Variants in POT1 observed in about 807,000 individuals in gnomAD.
POT1 encodes the protein protection of telomeres 1.
POT1 carries 47 observed loss-of-function variants against 78.5 expected under a neutral mutation model. The observed-to-expected ratio is 0.60, with a 90% CI of 0.47 to 0.76. POT1 has a LOEUF of 0.76. Among genes scored for constraint, POT1 ranks in the 30% least tolerant of loss-of-function variants. POT1 has a pLI of 0.00. For synonymous variants in POT1, 259 were observed against 260.7 expected (o/e 0.99, Z 0.06); for missense variants, 646 against 749.9 (o/e 0.86, Z 1.62).
intron 8 of POT1, among the ~76,000 whole-genome samples, chr7:124,859,754 AAAGAT>A (rs1795540564): frequency 6.6e-6 from 1 of 151,442 alleles, no homozygotes; most frequent in African/African-American, 2.4e-5. Context: ...AAAACACACA[AAAGAT>A]AAGGCCGCAC....
intron 7 of POT1, among the ~76,000 whole-genome samples, chr7:124,870,574 T>C (rs1035682862): frequency 6.6e-6 from 1 of 152,124 alleles, no homozygotes; most frequent in Admixed American, 6.6e-5. Context: ...TAAAGCTCTT[T>C]TTTAAAACAT....
intron 12 of POT1, among the ~76,000 whole-genome samples, chr7:124,843,415 A>T (rs1395325822): frequency 6.6e-6 from 1 of 152,216 alleles, no homozygotes. Context: ...TCATTATAAA[A>T]TCAGATTAAG....
rs574614592 is a variant in POT1 at position 124,905,703 on chromosome 7, T to C, written c.-153-7329A>G. 3.9e-5 allele frequency among the ~76,000 whole-genome samples: 6 copies of C among 152,258 alleles called. No individual in the cohort carries two copies. The South Asian group carries it at 8.3e-4, about 21-fold the overall frequency. On this transcript the variant is annotated intron_variant, in intron 3 of 18. Transcript: ENST00000357628. Reference sequence around the variant, plus strand: ...CTACCATCAGAGTCAACAGGCCACCTACAGAATGGGAGAATATTTTTGCAA... The same window carrying C: ...CTACCATCAGAGTCAACAGGCCACCCACAGAATGGGAGAATATTTTTGCAA...
At chr7:124,916,412 G>C (rs1395103884) in intron 2 of POT1, among the ~76,000 whole-genome samples, 1 of 152,110 alleles carries the variant, frequency 6.6e-6, no homozygotes, top group Non-Finnish European at 1.5e-5. Context: ...TGAAAAAAGT[G>C]TCAACAATAA....
At chr7:124,928,356 C>A (rs1797325961) in intron 2 of POT1, among the ~76,000 whole-genome samples, 3 of 152,122 alleles carry the variant, frequency 2.0e-5, no homozygotes, top group Non-Finnish European at 4.4e-5. Flanking sequence ...AGAGTAATAT[C>A]CAAATTCCTC....
At chr7:124,844,211 C>A (rs1445792043) in intron 12 of POT1, among the ~76,000 whole-genome samples, 2 of 150,158 alleles carry the variant, frequency 1.3e-5, no homozygotes, top group African/African-American at 4.9e-5. Context: ...TCACCACAAC[C>A]TCTACCTCCC....
intron 9 of POT1, among the ~76,000 whole-genome samples, chr7:124,854,774 AAGTGAG>A (rs911529557): frequency 1.3e-5 from 2 of 151,964 alleles, no homozygotes; most frequent in Non-Finnish European, 2.9e-5. Flanking sequence ...ATAGTCTTCA[AAGTGAG>A]ACATTGGAAA....
chr7:124,823,878 G>T lies in POT1; in HGVS notation c.*84C>A. The T allele has an allele frequency of 1.2e-6, 1 of 835,286 alleles. No individual in the cohort carries two copies. Among genetic ancestry groups the T allele is most frequent in the Non-Finnish European group, 2.0e-6 (1 of 497,992 alleles). 51.7% of individuals were successfully genotyped at this position (835,286 alleles called of 1,614,324 possible). ...CCATGCTAACATCATCAACATTGCT[G>T]ATACAAAACTCAGGTCAGGAAAAGA... On this transcript the variant is annotated 3_prime_UTR_variant, in exon 19 of 19. Transcript: ENST00000357628.
chr7:124,915,132 T>C (rs1053180666), intron 3 of POT1, among the ~76,000 whole-genome samples: 14 of 152,196 alleles, frequency 9.2e-5, no homozygotes, highest in African/African-American at 3.1e-4. Context: ...GTGTCTGATA[T>C]ATACTTAGTA....
rs750899684 is a variant in POT1, at chr7:124,859,104, A to G, written c.555T>C (p.Asp185=). 6.3e-7 allele frequency: 1 copy of G among 1,589,272 alleles called. No individual in the cohort carries two copies. The highest frequency in any genetic ancestry group is 2.3e-5 in the East Asian group (1 of 44,268). Residue 185 remains aspartate, a synonymous_variant, in exon 9 of 19, where the codon GAT becomes GAC. Transcript: ENST00000357628. ...DGASFLLKVW[D]GTRTPFPSWR... is the part of the protein sequence containing the mutation. ...AAGATGGAAATGGTGTCCTGGTGCCATCCCATACCTGCCATAAGAGAGTAG... is the reference window on the plus strand; with the variant it reads ...AAGATGGAAATGGTGTCCTGGTGCCGTCCCATACCTGCCATAAGAGAGTAG...
Position 124,851,777 on chromosome 7 carries a change from AAGAG to A in POT1, c.949+91_949+94del, listed in dbSNP as rs1330335717. 14 of 892,016 alleles carry A rather than the reference AAGAG, an allele frequency of 1.6e-5. No individual in the cohort carries two copies. In the African/African-American group the frequency reaches 2.4e-4, roughly 15 times the overall value. The allele number at this position is 892,016 out of a possible 1,614,324, so 55.3% of individuals were successfully genotyped here. A position where few individuals can be genotyped will look rare whatever the true frequency, so the allele number is the denominator to read the frequency against. On this transcript the variant is annotated intron_variant, in intron 11 of 18. Transcript: ENST00000357628. ...TCCTCTACTACATGAAATTATTAATAAGAGAGACAAAGAGAAGACATTACAAAGA... is the reference window on the plus strand; with the variant it reads ...TCCTCTACTACATGAAATTATTAATAAGACAAAGAGAAGACATTACAAAGA...
chr7:124,826,385 G>A (rs1377799202), intron 17 of POT1, among the ~76,000 whole-genome samples: 1 of 152,142 alleles, frequency 6.6e-6, no homozygotes, highest in African/African-American at 2.4e-5. Context: ...GTAACTGTCA[G>A]TATAACAGTT....
chr7:124,853,227 A>C (rs1795359065), intron 9 of POT1, 89 bp from the exon 10 acceptor site: 2 of 964,038 alleles, frequency 2.1e-6, no homozygotes, highest in Non-Finnish European at 3.1e-6. Context: ...TATGGGGCCA[A>C]TGAGGGCACT....
intron 13 of POT1, 116 bp downstream of exon 13, chr7:124,842,691 A>C: frequency 1.3e-6 from 1 of 788,228 alleles, no homozygotes; most frequent in South Asian, 4.5e-5. Context: ...CCATTCTTGC[A>C]AAATATAATA....
In POT1 at chr7:124,852,891, CAGAA is replaced by C. The variant is rs1431616663; in HGVS notation, c.869+77_869+80del. The stretch of plus-strand genomic sequence containing the variant: ...ATGGCACAAAAGGCTAGGGAACTAT[CAGAA>C]GCCCCAGGAACAATATTATCTTAGA... On this transcript the variant is annotated intron_variant, in intron 10 of 18. Transcript: ENST00000357628. The C allele has an allele frequency of 3.1e-6, 4 of 1,282,308 alleles. No individual in the cohort carries two copies. The East Asian group carries it at 7.3e-5, about 23-fold the overall frequency. 79.4% of individuals were successfully genotyped at this position (1,282,308 alleles called of 1,614,324 possible). A position where few individuals can be genotyped will look rare whatever the true frequency, so the allele number is the denominator to read the frequency against.
intron 6 of POT1, among the ~76,000 whole-genome samples, chr7:124,890,368 G>A (rs902801961): frequency 2.0e-5 from 3 of 151,860 alleles, no homozygotes; most frequent in African/African-American, 7.2e-5. Flanking sequence ...TCCTGGTAAA[G>A]GTGTTATGAA....
At chr7:124,857,126 T>A in intron 9 of POT1, among the ~76,000 whole-genome samples, 1 of 152,204 alleles carries the variant, frequency 6.6e-6, no homozygotes, top group East Asian at 1.9e-4. Flanking sequence ...CAATGTAGAA[T>A]GGATATATTT....
At chr7:124,916,210 A>C (rs1797010910) in intron 2 of POT1, among the ~76,000 whole-genome samples, 2 of 152,182 alleles carry the variant, frequency 1.3e-5, no homozygotes, top group Admixed American at 1.3e-4. Context: ...AATAGATCCT[A>C]TTAGCCTCCC....
At chr7:124,839,695 C>T (rs1026196501) in intron 14 of POT1, among the ~76,000 whole-genome samples, 1 of 152,080 alleles carries the variant, frequency 6.6e-6, no homozygotes, top group African/African-American at 2.4e-5. Context: ...TTTAAATAAG[C>T]CTTTTTTAAA....
Sources: allele counts gnomAD v4.1 joint callset (sites outside exome capture counted in the v4.1 genomes callset), GRCh38; gene constraint gnomAD v4.1.1; transcripts MANE v1.5; gene names NCBI Gene and HGNC (gene_info 2026-07-23, HGNC 2026-07-21).